The following VPS4A variants were observed in gnomAD, a reference collection of about 807,000 sequenced individuals.
VPS4A encodes vacuolar protein sorting 4 homolog A.
In VPS4A, 20 loss-of-function variants were observed where a neutral mutation model predicts 52.3. The ratio of observed to expected loss-of-function variants is 0.38; its 90% CI spans 0.27 to 0.56. The LOEUF (loss-of-function observed/expected upper bound fraction) is 0.56. Ranked by LOEUF, VPS4A falls within the 20% of genes least tolerant of loss-of-function variation. VPS4A has a pLI of 0.72. For missense variants in VPS4A, 419 were observed against 575.9 expected (o/e 0.73, Z 2.79); for synonymous variants, 293 against 227.7 (o/e 1.29, Z -2.58).
chr16:69,320,643 G>T lies in VPS4A; in HGVS notation c.770-45G>T, dbSNP rs556891451. ...TCTGTCCCCAGGTTTCAACTGACCCGTGCAGGTGTCCAGAGTCTGAGTCTT... is the reference window on the plus strand; with the variant it reads ...TCTGTCCCCAGGTTTCAACTGACCCTTGCAGGTGTCCAGAGTCTGAGTCTT... On this transcript the variant is annotated intron_variant, in intron 7 of 10. Transcript: ENST00000254950. The surrounding 1 kb of genome is among the most constrained non-coding windows in gnomAD (Gnocchi z 4.2). The T allele has an allele frequency of 1.3e-6, 2 of 1,532,356 alleles. No individual in the cohort carries two copies. The highest frequency in any genetic ancestry group is 1.4e-5 in the African/African-American group (1 of 72,938). 94.9% of individuals were successfully genotyped at this position (1,532,356 alleles called of 1,614,324 possible). A position where few individuals can be genotyped will look rare whatever the true frequency, so the allele number is the denominator to read the frequency against.
In VPS4A at chr16:69,324,226, C is replaced by T; in HGVS notation, c.1231C>T (p.Leu411=). The T allele has an allele frequency of 6.2e-7, 1 of 1,613,700 alleles. No individual in the cohort carries two copies. Reference sequence around the variant, plus strand: ...TTCACAGTCGGACATGCTGCGGTCTCTGGCCACCACCCGGCCCACGGTGAA... The same window carrying T: ...TTCACAGTCGGACATGCTGCGGTCTTTGGCCACCACCCGGCCCACGGTGAA... ...VVCMSDMLRS[L]ATTRPTVNAD... The change falls in exon 11 of 11, where the codon CTG becomes TTG. Residue 411 remains leucine (L), a synonymous_variant. Coordinates refer to ENST00000254950, the MANE Select transcript of VPS4A (RefSeq NM_013245.3).
In VPS4A at chr16:69,325,143, T is replaced by C. The variant is rs1007440711; in HGVS notation, c.*834T>C. The stretch of plus-strand genomic sequence containing the variant: ...CTCTGGTTTTCTGTCTCCTCTCTTT[T>C]CTAAAGCAGAGCAGGAAACAGAACA... On this transcript the variant is annotated 3_prime_UTR_variant, in exon 11 of 11. Coordinates refer to ENST00000254950, the MANE Select transcript of VPS4A (RefSeq NM_013245.3). 6.6e-6 allele frequency: 1 copy of C among 152,284 alleles called. No homozygotes were observed. Among genetic ancestry groups the C allele is most frequent in the Non-Finnish European group, 1.5e-5 (1 of 68,078 alleles). 9.4% of individuals were successfully genotyped at this position (152,284 alleles called of 1,614,324 possible).
At position 69,321,328 on chromosome 16, in the gene VPS4A, T is replaced by A. The variant is rs1332208751; in HGVS notation, c.1071+58T>A. 3 of 1,516,476 alleles carry A rather than the reference T, an allele frequency of 2.0e-6. No homozygotes were observed. The highest frequency in any genetic ancestry group is 1.2e-5 in the South Asian group (1 of 80,910). The allele number at this position is 1,516,476 out of a possible 1,614,324, so 93.9% of individuals were successfully genotyped here. ...TCATAGTAAGAGCGGGATGTTCGGTTTTTTTTTTCCCAGCTCCTGGTCCTG... is the reference window on the plus strand; with the variant it reads ...TCATAGTAAGAGCGGGATGTTCGGTATTTTTTTTCCCAGCTCCTGGTCCTG... On this transcript the variant is annotated intron_variant, in intron 9 of 10. Coordinates refer to ENST00000254950, the MANE Select transcript of VPS4A (RefSeq NM_013245.3). The surrounding 1 kb of genome is among the most constrained non-coding windows in gnomAD (Gnocchi z 4.5).
chr16:69,313,445 A>C (rs911512671), intron 1 of VPS4A, among the ~76,000 whole-genome samples: 1 of 151,722 alleles, frequency 6.6e-6, no homozygotes, highest in African/African-American at 2.4e-5. Context: ...CTGCTAATCT[A>C]CTTTTTTTCT....
chr16:69,314,889 G>C (rs1301787770), intron 1 of VPS4A, among the ~76,000 whole-genome samples: 1 of 152,092 alleles, frequency 6.6e-6, no homozygotes, highest in Non-Finnish European at 1.5e-5. Context: ...GTCATGCTTC[G>C]TGCAGGCGTT....
At chr16:69,322,721 G>A (rs771127544) in intron 10 of VPS4A, 21 bp downstream of exon 10, 2 of 1,609,582 alleles carry the variant, frequency 1.2e-6, no homozygotes, top group Non-Finnish European at 1.7e-6. Flanking sequence ...TGACAGGGGA[G>A]GGAAGAGGGC....
In VPS4A at chr16:69,324,456, C is replaced by A; in HGVS notation, c.*147C>A. The A allele has an allele frequency of 1.2e-6, 1 of 853,952 alleles. No homozygotes were observed. Among genetic ancestry groups the A allele is most frequent in the Non-Finnish European group, 1.8e-6 (1 of 543,250 alleles). 52.9% of individuals were successfully genotyped at this position (853,952 alleles called of 1,614,324 possible). On this transcript the variant is annotated 3_prime_UTR_variant, in exon 11 of 11. Transcript: ENST00000254950. ...GCTGTCTGGCCGTCTGCCAGGGAGC[C>A]AGAAGGAAGGGCCTTGCAGCCACAG...
chr16:69,324,485 C>T lies in VPS4A; in HGVS notation c.*176C>T, dbSNP rs865828638. ...AGGAAGGGCCTTGCAGCCACAGAGA[C>T]ACTCCACTGCCCTGGGGCACACAGT... is the stretch of plus-strand genomic sequence containing the variant. On this transcript the variant is annotated 3_prime_UTR_variant, in exon 11 of 11. Transcript: ENST00000254950. 107 of 656,136 alleles carry T rather than the reference C, an allele frequency of 1.6e-4. 2 individuals carry two copies. The highest frequency in any genetic ancestry group is 8.9e-4 in the South Asian group (50 of 56,444). The allele number at this position is 656,136 out of a possible 1,614,324, so 40.6% of individuals were successfully genotyped here.
chr16:69,321,401 C>G lies in VPS4A; in HGVS notation c.1071+131C>G. ...CAGTCTCTGAGGCCTCCTGGAGAGC[C>G]GAGGGCCAGTGCCATGGGGGCTGCA... On this transcript the variant is annotated intron_variant, in intron 9 of 10. Transcript: ENST00000254950. The surrounding 1 kb of genome is among the most constrained non-coding windows in gnomAD (Gnocchi z 4.5). 1 of 1,005,246 alleles carries G rather than the reference C, an allele frequency of 9.9e-7. No homozygotes were observed. Among genetic ancestry groups the G allele is most frequent in the Non-Finnish European group, 1.4e-6 (1 of 691,452 alleles). 62.3% of individuals were successfully genotyped at this position (1,005,246 alleles called of 1,614,324 possible). A position where few individuals can be genotyped will look rare whatever the true frequency, so the allele number is the denominator to read the frequency against.
Position 69,320,373 on chromosome 16 carries a change from G to A in VPS4A, c.769+84G>A. ...TTTATTCTGAGCTGCGGCTGGATTTGGTTGTTCTCAGCCTCGGAGAGGCAC... is the reference window on the plus strand; with the variant it reads ...TTTATTCTGAGCTGCGGCTGGATTTAGTTGTTCTCAGCCTCGGAGAGGCAC... On this transcript the variant is annotated intron_variant, in intron 7 of 10. Transcript: ENST00000254950. This position sits in a 1 kb window ranked among gnomAD's most constrained non-coding sequence, Gnocchi z 4.2. 1.2e-5 allele frequency: 18 copies of A among 1,558,042 alleles called. No homozygotes were observed. Among genetic ancestry groups the A allele is most frequent in the Non-Finnish European group, 1.6e-5 (18 of 1,146,356 alleles).
rs769996046 is a variant in VPS4A, at chr16:69,316,239, G to A, written c.148G>A (p.Asp50Asn). Residue 50 changes from aspartate (D) to asparagine (N), a missense_variant, in exon 3 of 11, where the codon GAC becomes AAC. Around this residue, in one of 3 missense-constraint regions of VPS4A, gnomAD observed 131 missense variants for 165.4 expected, o/e 0.79. Coordinates refer to ENST00000254950, the MANE Select transcript of VPS4A (RefSeq NM_013245.3). Reference protein sequence around the residue: ...LHAIKYEAHSDKAKESIRAKC... With the variant: ...LHAIKYEAHSNKAKESIRAKC... ...CCCTTTCACAGATGAGGCCCACAGC[G>A]ACAAGGCCAAGGAGAGCATTCGAGC... is the stretch of plus-strand genomic sequence containing the variant. 1.2e-5 allele frequency: 20 copies of A among 1,613,570 alleles called. No individual in the cohort carries two copies. The highest frequency in any genetic ancestry group is 7.7e-5 in the South Asian group (7 of 91,072).
At chr16:69,316,421 C>A in intron 3 of VPS4A, 49 bp downstream of exon 3, 1 of 1,600,496 alleles carries the variant, frequency 6.2e-7, no homozygotes, top group Non-Finnish European at 8.5e-7. Flanking sequence ...CCTCACGGCT[C>A]CCTATCATTC....
At position 69,324,497 on chromosome 16, in the gene VPS4A, C is replaced by A; in HGVS notation, c.*188C>A. ...GCAGCCACAGAGACACTCCACTGCC[C>A]TGGGGCACACAGTGGACACTGCTCT... On this transcript the variant is annotated 3_prime_UTR_variant, in exon 11 of 11. Coordinates refer to ENST00000254950, the MANE Select transcript of VPS4A (RefSeq NM_013245.3). 1 of 620,882 alleles carries A rather than the reference C, an allele frequency of 1.6e-6. No homozygotes were observed. Among genetic ancestry groups the A allele is most frequent in the Non-Finnish European group, 2.9e-6 (1 of 349,714 alleles). 38.5% of individuals were successfully genotyped at this position (620,882 alleles called of 1,614,324 possible).
intron 10 of VPS4A, chr16:69,323,324 C>CTTTTTT (rs371858068): frequency 5.1e-6 from 1 of 196,104 alleles, no homozygotes; most frequent in South Asian, 7.2e-5. Context: ...CTAATTTTTC[C>CTTTTTT]TTTTTTTTTT....
In VPS4A at chr16:69,319,044, G is replaced by T. The variant is rs1965475750; in HGVS notation, c.463+102G>T. 17 of 1,508,390 alleles carry T rather than the reference G, an allele frequency of 1.1e-5. No homozygotes were observed. The South Asian group carries it at 2.0e-4, about 18-fold the overall frequency. The allele number at this position is 1,508,390 out of a possible 1,614,324, so 93.4% of individuals were successfully genotyped here. ...AGTCAGTGGCGACTCAGCCCCCGGG[G>T]CCTGCAGAGGGCCAGGCCTGGCTGC... On this transcript the variant is annotated intron_variant, in intron 5 of 10. Transcript: ENST00000254950.
At chr16:69,311,573 A>G (rs781127502) in intron 1 of VPS4A, 41 bp downstream of exon 1, 3 of 1,273,914 alleles carry the variant, frequency 2.4e-6, no homozygotes, top group Admixed American at 7.4e-5. Flanking sequence ...GGCCGAAGGC[A>G]GCGGGGCCTG....
Position 69,316,321 on chromosome 16 carries a change from A to G in VPS4A, c.230A>G (p.Lys77Arg). Residue 77 changes from lysine to arginine, a missense_variant, in exon 3 of 11, where the codon AAA becomes AGA. Lys to Arg is a conservative substitution (Grantham distance 26). Transcript: ENST00000254950. Reference sequence around the variant, plus strand: ...AAGCTGAAGGATTATTTACGAAGCAAAGAGAAACACGGCAAGAAGCCAGTC... The same window carrying G: ...AAGCTGAAGGATTATTTACGAAGCAGAGAGAAACACGGCAAGAAGCCAGTC... ...AEKLKDYLRS[K>R]EKHGKKPVKE... The G allele has an allele frequency of 2.5e-6, 4 of 1,613,860 alleles. 1 individual carries two copies. The highest frequency in any genetic ancestry group is 1.6e-4 in the Middle Eastern group (1 of 6,062).
intron 1 of VPS4A, 84 bp downstream of exon 1, chr16:69,311,616 C>CA (rs1965378981): frequency 7.5e-6 from 9 of 1,204,292 alleles, no homozygotes; most frequent in African/African-American, 1.6e-5. Context: ...GGCGGGTGGT[C>CA]AGGTGGGCGC....
At chr16:69,323,486 G>C (rs1307615312) in intron 10 of VPS4A, 2 of 356,764 alleles carry the variant, frequency 5.6e-6, no homozygotes, top group Non-Finnish European at 1.1e-5. Flanking sequence ...AGTAAAGTCA[G>C]GTCCAGATAA....
Sources: allele counts gnomAD v4.1 joint callset (sites outside exome capture counted in the v4.1 genomes callset), GRCh38; gene constraint gnomAD v4.1.1; regional missense constraint gnomAD v4.1.1; non-coding constraint Gnocchi (gnomAD v3.1); transcripts MANE v1.5; gene names NCBI Gene and HGNC (gene_info 2026-07-23, HGNC 2026-07-21).